Variants in PIP5K1A observed in about 807,000 individuals in gnomAD.
The protein encoded by PIP5K1A is phosphatidylinositol 4-phosphate 5-kinase type-1 alpha.
A neutral mutation model predicts 72.9 loss-of-function variants in PIP5K1A; 46 were observed. That is an observed-to-expected ratio of 0.63 (90% confidence interval 0.50 to 0.81). The LOEUF (loss-of-function observed/expected upper bound fraction) is 0.81, where lower values mean the gene tolerates loss of function less well. Ranked by LOEUF, PIP5K1A falls within the 30% of genes least tolerant of loss-of-function variation. The pLI, the probability that PIP5K1A is intolerant of heterozygous loss-of-function variation, is 0.00. For missense variants in PIP5K1A, 458 were observed against 706.1 expected (o/e 0.65, Z 3.98); for synonymous variants, 228 against 255.1 (o/e 0.89, Z 1.01).
At chr1:151,223,709 C>G (rs867156489) in intron 1 of PIP5K1A, among the ~76,000 whole-genome samples, 1 of 148,302 alleles carries the variant, frequency 6.7e-6, no homozygotes, top group Non-Finnish European at 1.5e-5. Context: ...AAAAAAGGGA[C>G]AGGTGCGGTG....
intron 4 of PIP5K1A, among the ~76,000 whole-genome samples, chr1:151,230,478 A>G (rs1689878894): frequency 6.6e-6 from 1 of 152,174 alleles, no homozygotes; most frequent in Admixed American, 6.6e-5. Flanking sequence ...CTAAGTCTGA[A>G]TACTGCTCTC....
In PIP5K1A at chr1:151,242,288, G is replaced by A. The variant is rs200642651; in HGVS notation, c.1510+19G>A. 6.2e-7 allele frequency: 1 copy of A among 1,613,550 alleles called. No homozygotes were observed. The highest frequency in any genetic ancestry group is 1.7e-5 in the Admixed American group (1 of 59,982). On this transcript the variant is annotated intron_variant, in intron 13 of 15. Coordinates refer to ENST00000368888, the MANE Select transcript of PIP5K1A (RefSeq NM_001135638.2). ...GAGCCAGGTCAGCGCTAGGGCTGGG[G>A]TCCCCATGTGATTGGGTACTCCCTC...
chr1:151,198,381 G>A (rs1054279328), upstream of PIP5K1A, among the ~76,000 whole-genome samples: 3 of 152,068 alleles, frequency 2.0e-5, no homozygotes, highest in African/African-American at 4.8e-5. Context: ...CCGAGCCACC[G>A]TAGGGACTGT....
At chr1:151,234,571 G>C in intron 8 of PIP5K1A, 75 bp downstream of exon 8, 1 of 1,206,860 alleles carries the variant, frequency 8.3e-7, no homozygotes. Flanking sequence ...TAAGTTTGTG[G>C]GAGATGGAAC....
At chr1:151,199,675 A>G (rs1458429684) in intron 1 of PIP5K1A, among the ~76,000 whole-genome samples, 3 of 152,050 alleles carry the variant, frequency 2.0e-5, no homozygotes, top group Non-Finnish European at 4.4e-5. Context: ...TAGAGAAACT[A>G]AGAAAGTAAA....
chr1:151,234,244 G>A lies in PIP5K1A; in HGVS notation c.687G>A (p.Leu229=), dbSNP rs962226141. The part of the protein sequence containing the change: ...PRTLLPKFYG[L]YCVQAGGKNI... ...CTTTGCTGCCTAAATTCTATGGACT[G>A]TACTGTGTGCAGGCAGGTGGCAAGA... is the stretch of plus-strand genomic sequence containing the variant. The change falls in exon 8 of 16, where the codon CTG becomes CTA. Residue 229 remains leucine (L), a synonymous_variant. Transcript: ENST00000368888. The A allele has an allele frequency of 4.3e-6, 7 of 1,613,932 alleles. No individual in the cohort carries two copies. Among genetic ancestry groups the A allele is most frequent in the African/African-American group, 2.7e-5 (2 of 74,908 alleles).
intron 1 of PIP5K1A, among the ~76,000 whole-genome samples, chr1:151,208,682 T>TGA (rs1686317918): frequency 6.7e-6 from 1 of 149,390 alleles, no homozygotes; most frequent in African/African-American, 2.5e-5. Context: ...CTTAATTTGC[T>TGA]TGATCCAGTC....
intron 1 of PIP5K1A, among the ~76,000 whole-genome samples, chr1:151,205,424 C>A (rs1685793038): frequency 6.6e-6 from 1 of 152,042 alleles, no homozygotes; most frequent in African/African-American, 2.4e-5. Flanking sequence ...GATCCTCCTG[C>A]CTTGGCTTCC....
At chr1:151,246,787 G>A (rs1692570655) in intron 14 of PIP5K1A, 133 bp from the exon 15 acceptor site, 3 of 629,104 alleles carry the variant, frequency 4.8e-6, no homozygotes, top group South Asian at 4.2e-5. Context: ...TAGCTTCTCA[G>A]CCTCTTCTTT....
Position 151,215,897 on chromosome 1 carries a change from C to T in PIP5K1A, c.86-8348C>T, listed in dbSNP as rs1486230956. The T allele has an allele frequency of 4.7e-6, 4 of 854,868 alleles. No homozygotes were observed. The East Asian group carries it at 1.9e-4, about 40-fold the overall frequency. The allele number at this position is 854,868 out of a possible 1,614,324, so 53.0% of individuals were successfully genotyped here. On this transcript the variant is annotated intron_variant, in intron 1 of 15. Transcript: ENST00000368888. ...CTTTAGAGTTTTAAAAACATGTATG[C>T]TTATCATGCTGTAAGCAAATGGGAC...
intron 1 of PIP5K1A, among the ~76,000 whole-genome samples, chr1:151,213,086 G>A (rs1170628018): frequency 6.6e-6 from 1 of 151,924 alleles, no homozygotes; most frequent in South Asian, 2.1e-4. Flanking sequence ...TAGAGACGGG[G>A]TTTCACTGTG....
In PIP5K1A at chr1:151,249,060, TCTACAAG is replaced by T. The variant is rs1692861893; in HGVS notation, c.*1196_*1202del. On this transcript the variant is annotated 3_prime_UTR_variant, in exon 16 of 16. Coordinates refer to ENST00000368888, the MANE Select transcript of PIP5K1A (RefSeq NM_001135638.2). ...GGCTACATATGCCCTCTCCTCCCCGTCTACAAGAGTTGTGGTTTTCCATCTGATCCTT... is the reference window on the plus strand; with the variant it reads ...GGCTACATATGCCCTCTCCTCCCCGTAGTTGTGGTTTTCCATCTGATCCTT... 6.6e-6 allele frequency: 1 copy of T among 152,166 alleles called. No homozygotes were observed. The highest frequency in any genetic ancestry group is 1.5e-5 in the Non-Finnish European group (1 of 68,038). The allele number at this position is 152,166 out of a possible 1,614,324, so 9.4% of individuals were successfully genotyped here.
At position 151,209,790 on chromosome 1, in the gene PIP5K1A, A is replaced by C. The variant is rs1034713255; in HGVS notation, c.85+10709A>C. Among the ~76,000 whole-genome samples the C allele has an allele frequency of 2.0e-5, 3 of 150,006 alleles. 1 individual carries two copies. The highest frequency in any genetic ancestry group is 7.4e-5 in the African/African-American group (3 of 40,632). On this transcript the variant is annotated intron_variant, in intron 1 of 15. Transcript: ENST00000368888. ...ACCATGTTGGCCAGGCTGGTCTTGAACTCCTAATCCTAACCTCGTGATCTG... is the reference window on the plus strand; with the variant it reads ...ACCATGTTGGCCAGGCTGGTCTTGACCTCCTAATCCTAACCTCGTGATCTG...
chr1:151,238,172 C>A lies in PIP5K1A; in HGVS notation c.1146-10C>A. On this transcript the variant is annotated splice_polypyrimidine_tract_variant and intron_variant, in intron 9 of 15. Coordinates refer to ENST00000368888, the MANE Select transcript of PIP5K1A (RefSeq NM_001135638.2). ...AGATTTTCTCACCCTTTCCTTTTTG[C>A]CTTTTCCAGTATGGGTGGCATCCCT... 2 of 1,597,044 alleles carry A rather than the reference C, an allele frequency of 1.3e-6. No individual in the cohort carries two copies. The highest frequency in any genetic ancestry group is 1.7e-6 in the Non-Finnish European group (2 of 1,165,150).
chr1:151,234,416 T>C lies in PIP5K1A; in HGVS notation c.859T>C (p.Leu287=), dbSNP rs1407592170. 1 of 1,613,968 alleles carries C rather than the reference T, an allele frequency of 6.2e-7. No homozygotes were observed. The highest frequency in any genetic ancestry group is 1.1e-5 in the South Asian group (1 of 91,076). ...PLPTFKDLDF[L]QDIPDGLFLD... The stretch of plus-strand genomic sequence containing the variant: ...TCCCACATTTAAAGACCTAGACTTC[T>C]TACAAGACATCCCTGATGGTCTTTT... Residue 287 remains leucine (L), a synonymous_variant, in exon 8 of 16, where the codon TTA becomes CTA. Coordinates refer to ENST00000368888, the MANE Select transcript of PIP5K1A (RefSeq NM_001135638.2).
intron 1 of PIP5K1A, among the ~76,000 whole-genome samples, chr1:151,212,447 C>T (rs1168867908): frequency 1.3e-5 from 2 of 152,190 alleles, no homozygotes; most frequent in Non-Finnish European, 2.9e-5. Context: ...GACTGGAAAT[C>T]AGCTTCCCCA....
At position 151,206,218 on chromosome 1, in the gene PIP5K1A, G is replaced by T. The variant is rs587632447; in HGVS notation, c.85+7137G>T. ...TTCTTTATTCTCCTGTGAAATTTCAGTCTGTTTATTTGTAATGGTTGTATT... is the reference window on the plus strand; with the variant it reads ...TTCTTTATTCTCCTGTGAAATTTCATTCTGTTTATTTGTAATGGTTGTATT... On this transcript the variant is annotated intron_variant, in intron 1 of 15. Transcript: ENST00000368888. 6.7e-4 allele frequency among the ~76,000 whole-genome samples: 102 copies of T among 151,962 alleles called. 1 individual carries two copies. Among genetic ancestry groups the T allele is most frequent in the South Asian group, 1.5e-3 (7 of 4,814 alleles).
chr1:151,231,627 C>G (rs374229088), intron 4 of PIP5K1A, 44 bp from the exon 5 acceptor site: 37 of 1,581,418 alleles, frequency 2.3e-5, no homozygotes, highest in Non-Finnish European at 3.1e-5. Context: ...TGTTATGATC[C>G]TACTTATACT....
At chr1:151,230,044 C>T (rs1160620530) in intron 4 of PIP5K1A, among the ~76,000 whole-genome samples, 3 of 152,048 alleles carry the variant, frequency 2.0e-5, no homozygotes, top group Non-Finnish European at 2.9e-5. Flanking sequence ...GCCAAGATCA[C>T]GCCACTGCAC....
Sources: allele counts gnomAD v4.1 joint callset (sites outside exome capture counted in the v4.1 genomes callset), GRCh38; gene constraint gnomAD v4.1.1; transcripts MANE v1.5; gene names NCBI Gene and HGNC (gene_info 2026-07-23, HGNC 2026-07-21).